GALNT1: variants seen among roughly 807,000 people sequenced by gnomAD.
GALNT1 encodes polypeptide N-acetylgalactosaminyltransferase 1.
In GALNT1, 17 loss-of-function variants were observed where a neutral mutation model predicts 65.7. The ratio of observed to expected loss-of-function variants is 0.26; its 90% confidence interval spans 0.18 to 0.39. The LOEUF (loss-of-function observed/expected upper bound fraction) is 0.39, where lower values mean the gene tolerates loss of function less well. Ranked by LOEUF, GALNT1 falls within the 10% of genes least tolerant of loss-of-function variation. The probability of loss-of-function intolerance (pLI) is 1.00; values close to 1 mark genes in which losing one functional copy is unlikely to be tolerated. For missense variants in GALNT1, 460 were observed against 672.8 expected, an observed-to-expected ratio of 0.68 and a Z score of 3.50; for synonymous variants, 210 against 219.7, an observed-to-expected ratio of 0.96 and a Z score of 0.39.
intron 1 of GALNT1, among the ~76,000 whole-genome samples, chr18:35,607,812 A>G (rs1895586254): frequency 6.6e-6 from 1 of 152,168 alleles, no homozygotes; most frequent in African/African-American, 2.4e-5. Flanking sequence ...CCTGTCATAT[A>G]TCAACTAGAA....
intron 1 of GALNT1, among the ~76,000 whole-genome samples, chr18:35,639,280 G>A (rs950390435): frequency 1.2e-4 from 18 of 152,244 alleles, no homozygotes; most frequent in Admixed American, 4.6e-4. Flanking sequence ...CACCCTGAAC[G>A]ATCAGCAGCC....
At chr18:35,616,938 T>A (rs16966895) in intron 1 of GALNT1, among the ~76,000 whole-genome samples, 14,937 of 152,186 alleles carry the variant, frequency 0.098, 902 homozygotes, top group African/African-American at 0.18. Context: ...CTCTCTCTAA[T>A]GCCTAAGCCA....
At position 35,658,858 on chromosome 18, in the gene GALNT1, C is replaced by T. The variant is rs150242425; in HGVS notation, c.139+4057C>T. 3.4e-3 allele frequency among the ~76,000 whole-genome samples: 523 copies of T among 152,020 alleles called. 7 individuals are homozygous for T. The highest frequency in any genetic ancestry group is 0.012 in the African/African-American group (499 of 41,464). ...CCGAGTTGCTGGGATTACAGGCACCCGCCACCATGCCCAGCTAATTTTTGT... is the reference window on the plus strand; with the variant it reads ...CCGAGTTGCTGGGATTACAGGCACCTGCCACCATGCCCAGCTAATTTTTGT... On this transcript the variant is annotated intron_variant, in intron 2 of 11. Coordinates refer to ENST00000269195, the MANE Select transcript of GALNT1 (RefSeq NM_020474.4).
chr18:35,612,347 A>G (rs559415473), intron 1 of GALNT1, among the ~76,000 whole-genome samples: 55 of 152,360 alleles, frequency 3.6e-4, no homozygotes, highest in Middle Eastern at 6.8e-3. Flanking sequence ...ATTCAAAAGA[A>G]CTGCCTAATA....
Position 35,654,810 on chromosome 18 carries a change from C to T in GALNT1, c.139+9C>T. 1 of 1,544,092 alleles carries T rather than the reference C, an allele frequency of 6.5e-7. No individual in the cohort carries two copies. The highest frequency in any genetic ancestry group is 8.8e-7 in the Non-Finnish European group (1 of 1,142,024). On this transcript the variant is annotated intron_variant, in intron 2 of 11. Transcript: ENST00000269195. ...ACTTCCTGCTGGAGATGGTGAGTGA[C>T]ATTTTATAATAGAGCTGTTTTAACT... is the stretch of plus-strand genomic sequence containing the variant.
chr18:35,632,087 A>G (rs1325347968), intron 1 of GALNT1, among the ~76,000 whole-genome samples: 3 of 152,220 alleles, frequency 2.0e-5, no homozygotes, highest in Non-Finnish European at 2.9e-5. Flanking sequence ...ATGCTCATGG[A>G]TAGGAAGAAG....
Position 35,651,965 on chromosome 18 carries a change from C to T in GALNT1, c.-103-2595C>T, listed in dbSNP as rs76558661. On this transcript the variant is annotated intron_variant, in intron 1 of 11. Coordinates refer to ENST00000269195, the MANE Select transcript of GALNT1 (RefSeq NM_020474.4). Reference sequence around the variant, plus strand: ...CATCTTATATCTTTGATGACAATTGCAAACATTGGTGGCAACATACTTGGA... The same window carrying T: ...CATCTTATATCTTTGATGACAATTGTAAACATTGGTGGCAACATACTTGGA... 5.7e-3 allele frequency among the ~76,000 whole-genome samples: 866 copies of T among 151,656 alleles called. 21 individuals are homozygous for T. The East Asian group carries it at 0.065, about 11-fold the overall frequency.
Position 35,628,060 on chromosome 18 carries a change from A to G in GALNT1, c.-103-26500A>G, listed in dbSNP as rs562196697. 5.3e-5 allele frequency among the ~76,000 whole-genome samples: 8 copies of G among 152,314 alleles called. No homozygotes were observed. In the South Asian group the frequency reaches 1.2e-3, roughly 24 times the overall value. ...TTGCTGAGGCTTGAGTAGGTAAACA[A>G]AGTGGCTGGGAAGCTCGAACTGGGT... On this transcript the variant is annotated intron_variant, in intron 1 of 11. Coordinates refer to ENST00000269195, the MANE Select transcript of GALNT1 (RefSeq NM_020474.4).
chr18:35,649,673 T>C (rs1441420747), intron 1 of GALNT1, among the ~76,000 whole-genome samples: 1 of 152,200 alleles, frequency 6.6e-6, no homozygotes, highest in Non-Finnish European at 1.5e-5. Context: ...TTGCCTAAGG[T>C]CTCAGGGTCT....
At chr18:35,654,007 GCAGGCTACAAGGAGAACTCTATTAATT>G (rs754268280) in intron 1 of GALNT1, among the ~76,000 whole-genome samples, 7 of 152,216 alleles carry the variant, frequency 4.6e-5, no homozygotes, top group Non-Finnish European at 8.8e-5. Flanking sequence ...CTGCTGTAGT[GCAGGCTACAAGGAGAACTCTATTAATT>G]CTTGAGCCTG....
chr18:35,671,163 G>A (rs1009451772), intron 3 of GALNT1, among the ~76,000 whole-genome samples: 3 of 151,370 alleles, frequency 2.0e-5, no homozygotes, highest in Non-Finnish European at 2.9e-5. Flanking sequence ...TGCTTCTCTC[G>A]TGCTCATGTT....
intron 1 of GALNT1, among the ~76,000 whole-genome samples, chr18:35,637,337 A>G (rs1015564840): frequency 6.6e-6 from 1 of 152,246 alleles, no homozygotes; most frequent in Admixed American, 6.5e-5. Flanking sequence ...TAACTTGAAA[A>G]GTTCTGAATG....
chr18:35,613,444 CAA>C lies in GALNT1; in HGVS notation c.-104+31583_-104+31584del, dbSNP rs1488017749. ...TCTTTTAAATGCATCGTTGAGCTGA[CAA>C]GAGGTAAGGAAACTTTCCAGAGGCC... On this transcript the variant is annotated intron_variant, in intron 1 of 11. Transcript: ENST00000269195. Among the ~76,000 whole-genome samples, 8 of 152,230 alleles carry C rather than the reference CAA, an allele frequency of 5.3e-5. No homozygotes were observed. In the East Asian group the frequency reaches 1.3e-3, roughly 26 times the overall value.
chr18:35,622,681 T>A (rs1223677633), intron 1 of GALNT1, among the ~76,000 whole-genome samples: 1 of 152,226 alleles, frequency 6.6e-6, no homozygotes, highest in Non-Finnish European at 1.5e-5. Flanking sequence ...CTATTATTTT[T>A]TGTTCGTTTT....
chr18:35,611,317 T>C (rs2144041487), intron 1 of GALNT1, among the ~76,000 whole-genome samples: 1 of 152,240 alleles, frequency 6.6e-6, no homozygotes, highest in South Asian at 2.1e-4. Flanking sequence ...GATTGATACC[T>C]CTAAGGCAGG....
chr18:35,626,523 A>T (rs1292175829), intron 1 of GALNT1, among the ~76,000 whole-genome samples: 2 of 152,204 alleles, frequency 1.3e-5, no homozygotes, highest in Non-Finnish European at 2.9e-5. Context: ...TTGACAGGAT[A>T]TATACCTATA....
chr18:35,673,229 A>C (rs1050131108), intron 3 of GALNT1, among the ~76,000 whole-genome samples: 2 of 152,230 alleles, frequency 1.3e-5, no homozygotes, highest in African/African-American at 4.8e-5. Context: ...CATAGCTTGA[A>C]GGGACATGGA....
At chr18:35,634,397 C>A (rs527926191) in intron 1 of GALNT1, among the ~76,000 whole-genome samples, 1 of 152,148 alleles carries the variant, frequency 6.6e-6, no homozygotes, top group Non-Finnish European at 1.5e-5. Context: ...AAGACCCACC[C>A]GTAGGTTCAG....
At chr18:35,674,962 G>A (rs1194671170) in intron 3 of GALNT1, among the ~76,000 whole-genome samples, 17 of 118,482 alleles carry the variant, frequency 1.4e-4, no homozygotes, top group South Asian at 5.8e-4. Flanking sequence ...CAGCCTGAGC[G>A]ACAGAGCGAG....
Sources: allele counts gnomAD v4.1 joint callset (sites outside exome capture counted in the v4.1 genomes callset), GRCh38; gene constraint gnomAD v4.1.1; transcripts MANE v1.5; gene names NCBI Gene and HGNC (gene_info 2026-07-23, HGNC 2026-07-21).